Variants in SHD observed in about 807,000 individuals in gnomAD.
The protein encoded by SHD is Src homology 2 domain containing transforming protein D.
Under a neutral mutation model 31.2 loss-of-function variants are expected in SHD, and 29 were observed. That is an observed-to-expected ratio of 0.93 (90% confidence interval 0.69 to 1.27). The LOEUF is 1.27. Among genes scored for constraint, SHD ranks in the 50% most tolerant of loss-of-function variants. SHD has a pLI of 0.00. For synonymous variants in SHD, 208 were observed against 187.8 expected (o/e 1.11, Z -0.88); for missense variants, 520 against 453.8 (o/e 1.15, Z -1.33).
At chr19:4,282,803 G>A in intron 1 of SHD, 67 bp from the exon 2 acceptor site, 1 of 1,348,140 alleles carries the variant, frequency 7.4e-7, no homozygotes, top group Non-Finnish European at 1.1e-6. Context: ...GCAGGCAAGA[G>A]GTGCAGCGTC....
intron 1 of SHD, among the ~76,000 whole-genome samples, chr19:4,280,943 C>T (rs1177109548): frequency 9.2e-5 from 14 of 151,954 alleles, no homozygotes; most frequent in Admixed American, 9.2e-4. Flanking sequence ...CCCCCAGCCC[C>T]CTCCCCTCAG....
chr19:4,281,186 T>C (rs1333975635), intron 1 of SHD, among the ~76,000 whole-genome samples: 1 of 151,848 alleles, frequency 6.6e-6, no homozygotes, highest in Non-Finnish European at 1.5e-5. Context: ...AGCTCATGCC[T>C]GTAATTCCAG....
In SHD at chr19:4,280,202, G is replaced by A. The variant is rs756907256; in HGVS notation, c.139G>A (p.Glu47Lys). The stretch of plus-strand genomic sequence containing the variant: ...GAACCTGGACTTCGAGGACCCCTAT[G>A]AGGACGCGGAGAGCCGCTTGGAGCC... ...QKNLDFEDPY[E>K]DAESRLEPDP... Residue 47 changes from glutamate to lysine, a missense_variant, in exon 1 of 6, where the codon GAG (glutamate) becomes AAG (lysine). Transcript: ENST00000543264. The A allele has an allele frequency of 6.2e-6, 10 of 1,613,924 alleles. No homozygotes were observed. Among genetic ancestry groups the A allele is most frequent in the South Asian group, 1.1e-5 (1 of 91,090 alleles).
In SHD at chr19:4,284,690, G is replaced by T. The variant is rs1470147556; in HGVS notation, c.593-91G>T. The T allele has an allele frequency of 2.2e-6, 3 of 1,363,430 alleles. No homozygotes were observed. The African/African-American group carries it at 4.5e-5, about 20-fold the overall frequency. The allele number at this position is 1,363,430 out of a possible 1,614,324, so 84.5% of individuals were successfully genotyped here. A position where few individuals can be genotyped will look rare whatever the true frequency, so the allele number is the denominator to read the frequency against. ...TGATAGGTTGTCCCAAGCTGGCCCT[G>T]CCTTTCTACCGAGATTCCATTGGCT... On this transcript the variant is annotated intron_variant, in intron 3 of 5. Transcript: ENST00000543264.
At chr19:4,281,581 A>G (rs1271806027) in intron 1 of SHD, among the ~76,000 whole-genome samples, 1 of 151,860 alleles carries the variant, frequency 6.6e-6, no homozygotes, top group Non-Finnish European at 1.5e-5. Flanking sequence ...AACACAGTGA[A>G]ACCCCATCTC....
intron 4 of SHD, among the ~76,000 whole-genome samples, chr19:4,286,715 T>C (rs1001506706): frequency 1.3e-5 from 2 of 150,168 alleles, no homozygotes; most frequent in Non-Finnish European, 3.0e-5. Flanking sequence ...CTGGCCAACA[T>C]GGTGAAACTC....
chr19:4,285,706 T>C (rs1027177302), intron 4 of SHD, among the ~76,000 whole-genome samples: 2 of 149,246 alleles, frequency 1.3e-5, no homozygotes, highest in African/African-American at 5.0e-5. Context: ...TGCACCACCA[T>C]GCCTAGCTAA....
In SHD at chr19:4,285,889, C is replaced by CTTTTTTTTT. The variant is rs56142317; in HGVS notation, c.716+998_716+1006dup. ...TCTTCTCTTTCTTTTCTTTTCCTTT[C>CTTTTTTTTT]TTTTTTTTTTTTTTTTTTTTTGACA... is the stretch of plus-strand genomic sequence containing the variant. On this transcript the variant is annotated intron_variant, in intron 4 of 5. Coordinates refer to ENST00000543264, the MANE Select transcript of SHD (RefSeq NM_020209.4). 5.6e-3 allele frequency among the ~76,000 whole-genome samples: 486 copies of CTTTTTTTTT among 87,350 alleles called. 43 individuals carry two copies. Among genetic ancestry groups the CTTTTTTTTT allele is most frequent in the Middle Eastern group, 0.033 (3 of 90 alleles). The allele number at this position is 87,350 out of a possible 152,430, so 57.3% of individuals were successfully genotyped here.
intron 4 of SHD, among the ~76,000 whole-genome samples, chr19:4,286,278 T>TCC (rs1568369460): frequency 1.7e-5 from 2 of 114,852 alleles, no homozygotes; most frequent in African/African-American, 6.3e-5. Flanking sequence ...TTTCTTTCTT[T>TCC]CTTTTTTTCT....
At chr19:4,281,455 A>T (rs1971256155) in intron 1 of SHD, among the ~76,000 whole-genome samples, 1 of 135,830 alleles carries the variant, frequency 7.4e-6, no homozygotes, top group African/African-American at 2.8e-5. Context: ...TCTCAAAAAA[A>T]AAAAAAAAAA....
rs1426382224 is a variant in SHD at position 4,279,450 on chromosome 19, CCG to C, written c.-611_-610del. 1 of 152,014 alleles carries C rather than the reference CCG, an allele frequency of 6.6e-6. No individual in the cohort carries two copies. Among genetic ancestry groups the C allele is most frequent in the Non-Finnish European group, 1.5e-5 (1 of 67,978 alleles). The allele number at this position is 152,014 out of a possible 1,614,324, so 9.4% of individuals were successfully genotyped here. ...TGGGGCCGGATCGAGGCGGCGGGGG[CCG>C]CGGGACTGGGGGCTCCCCGCTGAGC... On this transcript the variant is annotated 5_prime_UTR_variant, in exon 1 of 6. Transcript: ENST00000543264. The surrounding 1 kb of genome is among the most constrained non-coding windows in gnomAD (Gnocchi z 7.5).
chr19:4,281,405 C>G (rs528832589), intron 1 of SHD, among the ~76,000 whole-genome samples: 1 of 140,032 alleles, frequency 7.1e-6, no homozygotes, highest in Non-Finnish European at 1.5e-5. Context: ...GTCATGATTG[C>G]GCCACTGCAC....
In SHD at chr19:4,284,797, A is replaced by G; in HGVS notation, c.609A>G (p.Pro203=). Residue 203 remains proline (P), a synonymous_variant, in exon 4 of 6, where the codon CCA becomes CCG. Transcript: ENST00000543264. ...CCTTTCCAGTGCAGTTTGACAGTCCAGAGTGGGAGAGGACTCCAGGCTCAG... is the reference window on the plus strand; with the variant it reads ...CCTTTCCAGTGCAGTTTGACAGTCCGGAGTGGGAGAGGACTCCAGGCTCAG... ...SRAFAVQFDS[P]EWERTPGSAK... is the part of the protein sequence containing the mutation. The G allele has an allele frequency of 6.2e-7, 1 of 1,609,734 alleles. No homozygotes were observed. Among genetic ancestry groups the G allele is most frequent in the Non-Finnish European group, 8.5e-7 (1 of 1,177,604 alleles).
At chr19:4,286,350 T>C (rs56719470) in intron 4 of SHD, among the ~76,000 whole-genome samples, 3,061 of 136,284 alleles carry the variant, frequency 0.022, 240 homozygotes, top group African/African-American at 0.069. Context: ...CTTTCTCTCT[T>C]TCTTTCTTTC....
chr19:4,288,459 G>C (rs529943135), intron 5 of SHD, 97 bp downstream of exon 5: 1 of 1,408,016 alleles, frequency 7.1e-7, no homozygotes, highest in African/African-American at 1.4e-5. Context: ...GGCTCCCGCA[G>C]CCATAGGGAA....
chr19:4,280,087 C>T lies in SHD; in HGVS notation c.24C>T (p.Tyr8=). 6.2e-7 allele frequency: 1 copy of T among 1,610,636 alleles called. No individual in the cohort carries two copies. Among genetic ancestry groups the T allele is most frequent in the Non-Finnish European group, 8.5e-7 (1 of 1,178,818 alleles). Residue 8 remains tyrosine (Y), a synonymous_variant, in exon 1 of 6, where the codon TAC becomes TAT. Coordinates refer to ENST00000543264, the MANE Select transcript of SHD (RefSeq NM_020209.4). Reference sequence around the variant, plus strand: ...AAATGGCCAAGTGGCTACGGGACTACCTGAGCTTTGGGGGTCGGAGGCCCC... The same window carrying T: ...AAATGGCCAAGTGGCTACGGGACTATCTGAGCTTTGGGGGTCGGAGGCCCC... MAKWLRD[Y]LSFGGRRPPP...
intron 4 of SHD, among the ~76,000 whole-genome samples, chr19:4,287,966 G>A (rs551395034): frequency 6.6e-6 from 1 of 151,744 alleles, no homozygotes; most frequent in Non-Finnish European, 1.5e-5. Flanking sequence ...GTGCAGTGGT[G>A]CAATCTCAGC....
In SHD at chr19:4,280,171, G is replaced by T. The variant is rs374398630; in HGVS notation, c.108G>T (p.Ala36=). The T allele has an allele frequency of 1.3e-5, 21 of 1,613,814 alleles. No individual in the cohort carries two copies. In the African/African-American group the frequency reaches 2.4e-4, roughly 18 times the overall value. The part of the protein sequence containing the change: ...TESDILRAYR[A]QKNLDFEDPY... ...GCGACATCCTGAGGGCCTACCGCGCGCAGAAGAACCTGGACTTCGAGGACC... is the reference window on the plus strand; with the variant it reads ...GCGACATCCTGAGGGCCTACCGCGCTCAGAAGAACCTGGACTTCGAGGACC... Residue 36 remains alanine (A), a synonymous_variant, in exon 1 of 6, where the codon GCG becomes GCT. Transcript: ENST00000543264.
chr19:4,290,399 T>A (rs1162262329), intron 5 of SHD, 48 bp from the exon 6 acceptor site: 1 of 1,559,892 alleles, frequency 6.4e-7, no homozygotes, highest in Non-Finnish European at 8.7e-7. Context: ...GGTGCCTTTC[T>A]GGGTGGGTCC....
Sources: allele counts gnomAD v4.1 joint callset (sites outside exome capture counted in the v4.1 genomes callset), GRCh38; gene constraint gnomAD v4.1.1; non-coding constraint Gnocchi (gnomAD v3.1); transcripts MANE v1.5; gene names NCBI Gene and HGNC (gene_info 2026-07-23, HGNC 2026-07-21).